The following ASRGL1 variants were observed in gnomAD, a reference collection of about 807,000 sequenced individuals.
ASRGL1 encodes the protein isoaspartyl peptidase/L-asparaginase.
Under a neutral mutation model 22.4 loss-of-function variants are expected in ASRGL1, and 16 were observed. The ratio of observed to expected loss-of-function variants is 0.71; its 90% CI spans 0.48 to 1.08. The LOEUF is 1.08. Ranked by LOEUF, ASRGL1 falls within the 50% of genes least tolerant of loss-of-function variation. The pLI is 0.00. For missense variants in ASRGL1, 412 were observed against 410.1 expected (o/e 1.00, Z -0.04); for synonymous variants, 165 against 159.3 (o/e 1.04, Z -0.27).
Position 62,370,750 on chromosome 11 carries a change from G to A in ASRGL1, c.491+13606G>A, listed in dbSNP as rs182207290. ...GAATTCATCATTTTGTAATATCACCGCACTATTGGCCACACATTCTTCCCA... is the reference window on the plus strand; with the variant it reads ...GAATTCATCATTTTGTAATATCACCACACTATTGGCCACACATTCTTCCCA... On this transcript the variant is annotated intron_variant, in intron 4 of 6. Coordinates refer to ENST00000415229, the MANE Select transcript of ASRGL1 (RefSeq NM_001083926.2). Among the ~76,000 whole-genome samples, 672 of 152,176 alleles carry A rather than the reference G, an allele frequency of 4.4e-3. 5 individuals carry two copies. The highest frequency in any genetic ancestry group is 0.015 in the African/African-American group (620 of 41,478).
chr11:62,386,118 C>T lies in ASRGL1; in HGVS notation c.492-3015C>T, dbSNP rs1463415374. ...CAGAGGTTGCAGTGAGCCAATATCA[C>T]GCCACTGCCCTCCAACCTGGGCAAC... On this transcript the variant is annotated intron_variant, in intron 4 of 6. Coordinates refer to ENST00000415229, the MANE Select transcript of ASRGL1 (RefSeq NM_001083926.2). Among the ~76,000 whole-genome samples, 5 of 152,276 alleles carry T rather than the reference C, an allele frequency of 3.3e-5. No individual in the cohort carries two copies. In the South Asian group the frequency reaches 6.2e-4, roughly 19 times the overall value.
At chr11:62,356,613 A>ATACAT in intron 3 of ASRGL1, 146 bp downstream of exon 3, 1 of 1,094,058 alleles carries the variant, frequency 9.1e-7, no homozygotes, top group Non-Finnish European at 1.3e-6. Flanking sequence ...AGTTTCTCAA[A>ATACAT]TCAGCCATGA....
At position 62,386,752 on chromosome 11, in the gene ASRGL1, A is replaced by G. The variant is rs1947220957; in HGVS notation, c.492-2381A>G. 1.3e-5 allele frequency among the ~76,000 whole-genome samples: 2 copies of G among 152,222 alleles called. 1 individual carries two copies. The highest frequency in any genetic ancestry group is 2.9e-5 in the Non-Finnish European group (2 of 68,034). On this transcript the variant is annotated intron_variant, in intron 4 of 6. Coordinates refer to ENST00000415229, the MANE Select transcript of ASRGL1 (RefSeq NM_001083926.2). ...CATCAGTTTCAGTAGATACTGTGAA[A>G]TGCTTTTCCAAAGATGTTGGTACAA...
chr11:62,387,214 T>C lies in ASRGL1; in HGVS notation c.492-1919T>C, dbSNP rs1947237970. Among the ~76,000 whole-genome samples the C allele has an allele frequency of 2.0e-5, 3 of 152,226 alleles. No homozygotes were observed. The South Asian group carries it at 6.2e-4, about 32-fold the overall frequency. ...CACAGCGCCTGGCCAAGAATGATTA[T>C]TTTTAAGATTGAACTCAGGTTGTGT... On this transcript the variant is annotated intron_variant, in intron 4 of 6. Coordinates refer to ENST00000415229, the MANE Select transcript of ASRGL1 (RefSeq NM_001083926.2).
chr11:62,352,019 A>T (rs564833653), intron 2 of ASRGL1, among the ~76,000 whole-genome samples: 6 of 152,272 alleles, frequency 3.9e-5, no homozygotes, highest in Non-Finnish European at 7.4e-5. Flanking sequence ...GCTGGCAACA[A>T]ATTGTTTCCA....
At chr11:62,360,994 T>A (rs1037320232) in intron 4 of ASRGL1, among the ~76,000 whole-genome samples, 1 of 152,136 alleles carries the variant, frequency 6.6e-6, no homozygotes, top group Non-Finnish European at 1.5e-5. Context: ...ACAATGGAAA[T>A]TTTCTAGGTT....
chr11:62,354,411 A>G (rs954157422), intron 2 of ASRGL1, among the ~76,000 whole-genome samples: 2 of 152,166 alleles, frequency 1.3e-5, no homozygotes, highest in African/African-American at 4.8e-5. Context: ...TCATACATAC[A>G]TATGATAAAG....
chr11:62,348,477 G>T (rs1946086031), intron 2 of ASRGL1, among the ~76,000 whole-genome samples: 2 of 152,166 alleles, frequency 1.3e-5, no homozygotes. Context: ...GCCGAGGCAG[G>T]TGGATCACCT....
At chr11:62,387,677 C>T (rs1459861718) in intron 4 of ASRGL1, among the ~76,000 whole-genome samples, 1 of 152,208 alleles carries the variant, frequency 6.6e-6, no homozygotes, top group Non-Finnish European at 1.5e-5. Flanking sequence ...CATCACTCTT[C>T]CCTGGTGCTT....
At chr11:62,372,295 A>G (rs1388686908) in intron 4 of ASRGL1, 1 of 1,602,788 alleles carries the variant, frequency 6.2e-7, no homozygotes, top group African/African-American at 1.3e-5. Context: ...TTTGGGGAAA[A>G]CAAGATGGGG....
At chr11:62,361,544 G>C (rs1312171200) in intron 4 of ASRGL1, among the ~76,000 whole-genome samples, 1 of 144,062 alleles carries the variant, frequency 6.9e-6, no homozygotes, top group Non-Finnish European at 1.5e-5. Flanking sequence ...CTGGAGTGCA[G>C]TGGTACAATC....
chr11:62,392,440 G>T lies in ASRGL1; in HGVS notation c.*156G>T. 1 of 927,710 alleles carries T rather than the reference G, an allele frequency of 1.1e-6. No individual in the cohort carries two copies. The highest frequency in any genetic ancestry group is 1.6e-6 in the Non-Finnish European group (1 of 619,264). 57.5% of individuals were successfully genotyped at this position (927,710 alleles called of 1,614,324 possible). A position where few individuals can be genotyped will look rare whatever the true frequency, so the allele number is the denominator to read the frequency against. On this transcript the variant is annotated 3_prime_UTR_variant, in exon 7 of 7. Transcript: ENST00000415229. ...AAGCATCTGAATGTTTGGTTGTGGGGCGGGTTCTGAAGCGATGAGAGAAAT... is the reference window on the plus strand; with the variant it reads ...AAGCATCTGAATGTTTGGTTGTGGGTCGGGTTCTGAAGCGATGAGAGAAAT...
chr11:62,372,757 A>T, intron 4 of ASRGL1: 2 of 1,547,574 alleles, frequency 1.3e-6, no homozygotes, highest in Non-Finnish European at 8.9e-7. Context: ...TTCCCTGGGC[A>T]TGGGGCTTCC....
the ASRGL1 span, among the ~76,000 whole-genome samples, chr11:62,400,312 G>T: frequency 6.6e-6 from 1 of 152,216 alleles, no homozygotes; most frequent in East Asian, 1.9e-4. Flanking sequence ...CAACTGGAAA[G>T]TTCTCAGAAG....
downstream of ASRGL1, among the ~76,000 whole-genome samples, chr11:62,395,366 TAAG>T (rs1458494270): frequency 6.6e-6 from 1 of 151,758 alleles, no homozygotes; most frequent in Admixed American, 6.6e-5. Context: ...GGTGGGATAA[TAAG>T]GAGCACAAGA....
chr11:62,372,506 A>C (rs1176233073), intron 4 of ASRGL1: 1 of 1,163,090 alleles, frequency 8.6e-7, no homozygotes, highest in African/African-American at 1.5e-5. Context: ...GCCCGGGCAC[A>C]GCAGATAGAG....
At chr11:62,346,245 A>G (rs1205958495) in intron 2 of ASRGL1, among the ~76,000 whole-genome samples, 1 of 152,192 alleles carries the variant, frequency 6.6e-6, no homozygotes, top group Non-Finnish European at 1.5e-5. Context: ...GAACTCAGAG[A>G]AATATATTTA....
At chr11:62,340,130 G>A (rs1004446044) in intron 2 of ASRGL1, among the ~76,000 whole-genome samples, 14 of 151,980 alleles carry the variant, frequency 9.2e-5, no homozygotes, top group Admixed American at 2.0e-4. Flanking sequence ...TCAGCTGAGC[G>A]TGGTGGCACA....
intron 4 of ASRGL1, among the ~76,000 whole-genome samples, chr11:62,366,104 GAC>G (rs1946605011): frequency 7.1e-6 from 1 of 140,828 alleles, no homozygotes; most frequent in African/African-American, 2.7e-5. Context: ...TCTACTGAAA[GAC>G]AAAAAATTAG....
Sources: allele counts gnomAD v4.1 joint callset (sites outside exome capture counted in the v4.1 genomes callset), GRCh38; gene constraint gnomAD v4.1.1; transcripts MANE v1.5; gene names NCBI Gene and HGNC (gene_info 2026-07-23, HGNC 2026-07-21).